Variants in ALMS1 observed in about 807,000 individuals in gnomAD.
ALMS1 encodes ALMS1 centrosome and basal body associated protein.
Under a neutral mutation model 352.2 loss-of-function variants are expected in ALMS1, and 271 were observed. That is an observed-to-expected ratio of 0.77 (90% CI 0.70 to 0.85). ALMS1 has a LOEUF of 0.85. Among genes scored for constraint, ALMS1 ranks in the 40% least tolerant of loss-of-function variants. The pLI is 0.00. For missense variants in ALMS1, 5,445 were observed against 4,870.7 expected (o/e 1.12, Z -3.51); for synonymous variants, 1,865 against 1,761.2 (o/e 1.06, Z -1.48).
intron 21 of ALMS1, among the ~76,000 whole-genome samples, chr2:73,605,519 T>C (rs1675797192): frequency 6.6e-6 from 1 of 152,184 alleles, no homozygotes; most frequent in African/African-American, 2.4e-5. Flanking sequence ...TTATGACATG[T>C]TTTCAGATTC....
intron 1 of ALMS1, among the ~76,000 whole-genome samples, chr2:73,389,993 C>T (rs1026261549): frequency 5.9e-5 from 9 of 152,204 alleles, no homozygotes; most frequent in African/African-American, 1.4e-4. Context: ...GGCCTCTAAT[C>T]GTGAACTATC....
At chr2:73,561,773 A>G (rs1313699721) in intron 15 of ALMS1, among the ~76,000 whole-genome samples, 1 of 151,816 alleles carries the variant, frequency 6.6e-6, no homozygotes, top group Non-Finnish European at 1.5e-5. Context: ...GAAATATAAC[A>G]TTGCAACTTT....
intron 9 of ALMS1, among the ~76,000 whole-genome samples, chr2:73,461,924 G>A (rs1483912767): frequency 2.6e-5 from 4 of 151,972 alleles, no homozygotes; most frequent in East Asian, 1.9e-4. Context: ...AAAAAGAAAC[G>A]AACAAAGCCT....
intron 1 of ALMS1, among the ~76,000 whole-genome samples, chr2:73,397,714 T>C (rs992578072): frequency 3.3e-5 from 5 of 152,136 alleles, no homozygotes. Flanking sequence ...GTGATCCACC[T>C]GCCTCGGCCT....
chr2:73,398,776 T>C (rs1266135711), intron 1 of ALMS1, among the ~76,000 whole-genome samples: 2 of 152,194 alleles, frequency 1.3e-5, no homozygotes, highest in East Asian at 3.8e-4. Flanking sequence ...GACTTTTATA[T>C]ATTAACCTAT....
rs772554319 is a variant in ALMS1, at chr2:73,447,845, T to C, written c.1433-115T>C. 2.3e-6 allele frequency: 3 copies of C among 1,320,538 alleles called. No individual in the cohort carries two copies. In the East Asian group the frequency reaches 7.8e-5, roughly 34 times the overall value. 81.8% of individuals were successfully genotyped at this position (1,320,538 alleles called of 1,614,324 possible). ...ATATTTATCTCCTTTGATGGCTGTTTCCTTAGGATTCATTTCTAGAAGCTT... is the reference window on the plus strand; with the variant it reads ...ATATTTATCTCCTTTGATGGCTGTTCCCTTAGGATTCATTTCTAGAAGCTT... On this transcript the variant is annotated intron_variant, in intron 7 of 22. Transcript: ENST00000613296.
intron 6 of ALMS1, 142 bp downstream of exon 6, chr2:73,426,695 G>T (rs1671386689): frequency 2.4e-6 from 2 of 826,022 alleles, no homozygotes; most frequent in Non-Finnish European, 4.0e-6. Flanking sequence ...AGTACATTGA[G>T]CTAGCAGCTT....
At chr2:73,423,390 C>G (rs1163585087) in intron 4 of ALMS1, among the ~76,000 whole-genome samples, 1 of 152,118 alleles carries the variant, frequency 6.6e-6, no homozygotes, top group Non-Finnish European at 1.5e-5. Flanking sequence ...TTGAATGAGA[C>G]TAGTTAGCTC....
At chr2:73,597,678 G>A (rs10175491) in intron 16 of ALMS1, among the ~76,000 whole-genome samples, 2 of 151,922 alleles carry the variant, frequency 1.3e-5, no homozygotes, top group Admixed American at 1.3e-4. Flanking sequence ...TCCTTTTCTA[G>A]ATGGGGAAAC....
At chr2:73,473,012 T>A (rs1412854275) in intron 9 of ALMS1, among the ~76,000 whole-genome samples, 1 of 152,050 alleles carries the variant, frequency 6.6e-6, no homozygotes, top group Non-Finnish European at 1.5e-5. Flanking sequence ...GAAAAGGAGA[T>A]ACGGGGTGGT....
chr2:73,386,146 C>A lies in ALMS1; in HGVS notation c.278C>A (p.Pro93His), dbSNP rs538598970. ...GGCAGGATTTTGCCTCCGCTGTCGC[C>A]CCCGCAGCACCGCTACTCGGAGGGC... The part of the protein sequence containing the change: ...HPGRILPPLS[P>H]PQHRYSEGER... The change falls in exon 1 of 23, where the codon CCC (proline) becomes CAC (histidine). Residue 93 changes from proline (P) to histidine (H), a missense_variant. By Grantham distance (77) the Pro-to-His change is moderately conservative. Coordinates refer to ENST00000613296, the MANE Select transcript of ALMS1 (RefSeq NM_001378454.1). 8 of 1,556,992 alleles carry A rather than the reference C, an allele frequency of 5.1e-6. No homozygotes were observed. The South Asian group carries it at 9.5e-5, about 18-fold the overall frequency.
intron 11 of ALMS1, 142 bp from the exon 12 acceptor site, chr2:73,534,682 A>G: frequency 1.3e-6 from 1 of 776,980 alleles, no homozygotes; most frequent in Non-Finnish European, 2.1e-6. Flanking sequence ...ATTCTTCTTG[A>G]AGGCAGAGAT....
At chr2:73,395,808 A>G (rs1413286397) in intron 1 of ALMS1, among the ~76,000 whole-genome samples, 1 of 152,096 alleles carries the variant, frequency 6.6e-6, no homozygotes, top group Non-Finnish European at 1.5e-5. Flanking sequence ...CCTGGCTAGA[A>G]CCTTTAGTAA....
chr2:73,502,515 T>C (rs76142205), intron 10 of ALMS1, among the ~76,000 whole-genome samples: 6,986 of 152,128 alleles, frequency 0.046, 197 homozygotes, highest in Non-Finnish European at 0.059. Flanking sequence ...AGTAGAGTAG[T>C]GTTTTGTCAT....
In ALMS1 at chr2:73,517,246, C is replaced by CTTTTTTTTTTTTTTTTTTTTTT. The variant is rs770879267; in HGVS notation, c.9540-2512_9540-2511insTTTTTTTTTTTTTTTTTTTTTT. ...CAAGTGATTTTTTGAAAGTTTTAGT[C>CTTTTTTTTTTTTTTTTTTTTTT]TTTTTTTTTTTTTTTTTCTTATAGA... On this transcript the variant is annotated intron_variant, in intron 10 of 22. Coordinates refer to ENST00000613296, the MANE Select transcript of ALMS1 (RefSeq NM_001378454.1). 2.9e-4 allele frequency among the ~76,000 whole-genome samples: 30 copies of CTTTTTTTTTTTTTTTTTTTTTT among 104,970 alleles called. 3 individuals are homozygous for CTTTTTTTTTTTTTTTTTTTTTT. The highest frequency in any genetic ancestry group is 4.2e-4 in the African/African-American group (9 of 21,256). 68.9% of individuals were successfully genotyped at this position (104,970 alleles called of 152,430 possible).
intron 2 of ALMS1, among the ~76,000 whole-genome samples, chr2:73,412,419 T>G (rs1671097364): frequency 6.6e-6 from 1 of 152,244 alleles, no homozygotes; most frequent in African/African-American, 2.4e-5. Context: ...TTTGTCCACT[T>G]TAATTTTTAT....
Position 73,448,155 on chromosome 2 carries a change from C to T in ALMS1, c.1628C>T (p.Ala543Val). Residue 543 changes from alanine (A) to valine (V), a missense_variant, in exon 8 of 23, where the codon GCA becomes GTA. By Grantham distance (64) the Ala-to-Val change is moderately conservative (BLOSUM62 0). Coordinates refer to ENST00000613296, the MANE Select transcript of ALMS1 (RefSeq NM_001378454.1). ...GATACTCTCAACCAAAAGACATTAG[C>T]AGATACTCATCTAACTGAAGAGACT... ...HTDTLNQKTL[A>V]DTHLTEETLK... 6.2e-7 allele frequency: 1 copy of T among 1,614,014 alleles called. No homozygotes were observed.
intron 9 of ALMS1, among the ~76,000 whole-genome samples, chr2:73,461,612 C>T (rs1217349456): frequency 1.3e-5 from 2 of 152,182 alleles, no homozygotes; most frequent in Admixed American, 6.6e-5. Flanking sequence ...TGGACAATGA[C>T]TTTGAAGAGT....
At position 73,449,444 on chromosome 2, in the gene ALMS1, G is replaced by A; in HGVS notation, c.2917G>A (p.Asp973Asn). ...VFYQQELPDS[D>N]LPRESLKMSA... ...CTACCAGCAAGAGTTGCCAGACAGT[G>A]ATCTACCTAGAGAATCTCTGAAAAT... is the stretch of plus-strand genomic sequence containing the variant. Residue 973 changes from aspartate (D) to asparagine (N), a missense_variant, in exon 8 of 23, where the codon GAT (aspartate) becomes AAT (asparagine). Transcript: ENST00000613296. 2 of 1,613,988 alleles carry A rather than the reference G, an allele frequency of 1.2e-6. No individual in the cohort carries two copies. The highest frequency in any genetic ancestry group is 1.7e-6 in the Non-Finnish European group (2 of 1,179,968).
Sources: allele counts gnomAD v4.1 joint callset (sites outside exome capture counted in the v4.1 genomes callset), GRCh38; gene constraint gnomAD v4.1.1; transcripts MANE v1.5; gene names NCBI Gene and HGNC (gene_info 2026-07-23, HGNC 2026-07-21).